Variants in DYNC1I2 observed in about 807,000 individuals in gnomAD.
DYNC1I2 encodes dynein cytoplasmic 1 intermediate chain 2, also known as cytoplasmic dynein 1 intermediate chain 2.
Under a neutral mutation model 88.6 loss-of-function variants are expected in DYNC1I2, and 53 were observed. That is an observed-to-expected ratio of 0.60 (90% CI 0.48 to 0.75). The LOEUF is 0.75. Among genes scored for constraint, DYNC1I2 ranks in the 30% least tolerant of loss-of-function variants. The pLI is 0.00. For missense variants in DYNC1I2, 458 were observed against 766.6 expected (o/e 0.60, Z 4.75); for synonymous variants, 198 against 254.6 (o/e 0.78, Z 2.12).
chr2:171,690,045 A>G, intron 1 of DYNC1I2, 102 bp from the exon 2 acceptor site: 2 of 597,540 alleles, frequency 3.3e-6, no homozygotes, highest in South Asian at 8.0e-5. Flanking sequence ...CTTTTTTGAG[A>G]TAGCATTGAA....
At chr2:171,733,503 AGTC>A (rs1688783279) in intron 15 of DYNC1I2, among the ~76,000 whole-genome samples, 1 of 103,878 alleles carries the variant, frequency 9.6e-6, no homozygotes, top group South Asian at 3.1e-4. Context: ...TTTTAATAAT[AGTC>A]ATTCTGACTG....
In DYNC1I2 at chr2:171,725,657, C is replaced by T. The variant is rs748676271; in HGVS notation, c.551C>T (p.Pro184Leu). Residue 184 changes from proline (P) to leucine (L), a missense_variant, in exon 8 of 18, where the codon CCT becomes CTT. Coordinates refer to ENST00000397119, the MANE Select transcript of DYNC1I2 (RefSeq NM_001378.3). ...EDDDVVAPKP[P>L]IEPEEEKTLK... ...GATGATGTAGTGGCTCCTAAACCAC[C>T]TATTGAACCTGAAGAAGAGAAAACT... is the stretch of plus-strand genomic sequence containing the variant. 5 of 1,569,194 alleles carry T rather than the reference C, an allele frequency of 3.2e-6. No homozygotes were observed. The highest frequency in any genetic ancestry group is 4.7e-5 in the East Asian group (2 of 42,648).
chr2:171,747,828 C>T lies in DYNC1I2; in HGVS notation c.1856C>T (p.Ala619Val). The change falls in exon 18 of 18, where the codon GCA becomes GTA. Residue 619 changes from alanine (A) to valine (V), a missense_variant. Around this residue, in one of 5 missense-constraint regions of DYNC1I2, gnomAD observed 188 missense variants for 300.4 expected, o/e 0.63. Coordinates refer to ENST00000397119, the MANE Select transcript of DYNC1I2 (RefSeq NM_001378.3). Reference sequence around the variant, plus strand: ...TGGGCACGGTTTGGCCGAACACTTGCAGAAATTAATGCAAACCGAGCTGAT... The same window carrying T: ...TGGGCACGGTTTGGCCGAACACTTGTAGAAATTAATGCAAACCGAGCTGAT... ...DEWARFGRTL[A>V]EINANRADAE... 3.7e-6 allele frequency: 6 copies of T among 1,611,346 alleles called. No homozygotes were observed. Among genetic ancestry groups the T allele is most frequent in the Non-Finnish European group, 5.1e-6 (6 of 1,179,492 alleles).
At chr2:171,739,119 A>T (rs1015933348) in intron 15 of DYNC1I2, among the ~76,000 whole-genome samples, 1 of 151,806 alleles carries the variant, frequency 6.6e-6, no homozygotes, top group Admixed American at 6.6e-5. Context: ...AAAAAAAAAA[A>T]AGAAAACCAC....
chr2:171,726,726 A>G (rs1276096469), intron 10 of DYNC1I2, 65 bp from the exon 11 acceptor site: 2 of 1,576,260 alleles, frequency 1.3e-6, no homozygotes, highest in Non-Finnish European at 1.7e-6. Context: ...AAGACAAATA[A>G]CTAGGATTAT....
chr2:171,745,571 C>T (rs576141994), intron 16 of DYNC1I2, among the ~76,000 whole-genome samples: 1 of 152,258 alleles, frequency 6.6e-6, no homozygotes, highest in East Asian at 1.9e-4. Context: ...TGTGTCTAGT[C>T]TTCTGAGAAT....
intron 10 of DYNC1I2, chr2:171,726,506 A>G (rs1032464421): frequency 7.2e-6 from 4 of 556,628 alleles, no homozygotes; most frequent in Non-Finnish European, 9.0e-6. Flanking sequence ...ACTTTATGAT[A>G]CAGGCCAGTT....
At chr2:171,744,012 A>T in intron 15 of DYNC1I2, 37 bp from the exon 16 acceptor site, 1 of 1,583,290 alleles carries the variant, frequency 6.3e-7, no homozygotes, top group Non-Finnish European at 8.6e-7. Flanking sequence ...TGTATGTCAT[A>T]TATGGACTGT....
At chr2:171,690,001 C>T in intron 1 of DYNC1I2, 146 bp from the exon 2 acceptor site, 1 of 439,208 alleles carries the variant, frequency 2.3e-6, no homozygotes, top group East Asian at 3.6e-5. Context: ...AAGCTACTGC[C>T]CAGCCCCATT....
chr2:171,703,657 A>T (rs928054301), intron 3 of DYNC1I2, among the ~76,000 whole-genome samples: 1 of 152,296 alleles, frequency 6.6e-6, no homozygotes, highest in East Asian at 1.9e-4. Context: ...CATTATGAAG[A>T]GAAAGAGCAA....
intron 3 of DYNC1I2, among the ~76,000 whole-genome samples, chr2:171,698,666 G>C (rs537895822): frequency 5.3e-5 from 8 of 151,912 alleles, no homozygotes; most frequent in Admixed American, 1.3e-4. Flanking sequence ...TCAGGAGATC[G>C]AGACCATCCT....
chr2:171,699,092 A>C (rs112222645), intron 3 of DYNC1I2, among the ~76,000 whole-genome samples: 2,489 of 152,256 alleles, frequency 0.016, 56 homozygotes, highest in African/African-American at 0.052. Context: ...GCAGATCATA[A>C]GGTCAGGAGT....
chr2:171,715,532 T>C, intron 7 of DYNC1I2, 89 bp downstream of exon 7: 1 of 919,306 alleles, frequency 1.1e-6, no homozygotes, highest in Admixed American at 2.9e-5. Context: ...TTGTTTTGTT[T>C]CTTTTTTGCT....
intron 12 of DYNC1I2, 81 bp from the exon 13 acceptor site, chr2:171,728,224 C>T (rs1286019308): frequency 2.4e-6 from 2 of 850,654 alleles, no homozygotes; most frequent in Non-Finnish European, 3.5e-6. Flanking sequence ...CGATAATAAA[C>T]AGAATGCTTA....
chr2:171,725,967 C>T lies in DYNC1I2; in HGVS notation c.656C>T (p.Ser219Phe). ...GAAGAAAAGCAACAAATCTTGCACT[C>T]TGAGGAATTTTTAAGTTTCTTTGAC... ...TEEEKQQILHSEEFLSFFDHS... is the reference protein window; with the variant it reads ...TEEEKQQILHFEEFLSFFDHS... The change falls in exon 9 of 18, where the codon TCT becomes TTT. Residue 219 changes from serine to phenylalanine, a missense_variant. Physicochemically the swap from Ser to Phe is radical, Grantham distance 155. Coordinates refer to ENST00000397119, the MANE Select transcript of DYNC1I2 (RefSeq NM_001378.3). 6.3e-7 allele frequency: 1 copy of T among 1,592,410 alleles called. No homozygotes were observed. The highest frequency in any genetic ancestry group is 1.2e-5 in the South Asian group (1 of 86,152).
intron 15 of DYNC1I2, among the ~76,000 whole-genome samples, chr2:171,742,587 G>A: frequency 6.6e-6 from 1 of 152,156 alleles, no homozygotes; most frequent in East Asian, 1.9e-4. Flanking sequence ...GAATCTGACT[G>A]AGATCCTTTT....
intron 3 of DYNC1I2, among the ~76,000 whole-genome samples, chr2:171,695,794 G>T (rs1466986009): frequency 1.3e-5 from 2 of 151,840 alleles, no homozygotes; most frequent in Non-Finnish European, 2.9e-5. Flanking sequence ...CTCCAGAATG[G>T]CTACAAAGTT....
At chr2:171,688,348 C>T (rs373177729) in intron 1 of DYNC1I2, 1 of 152,164 alleles carries the variant, frequency 6.6e-6, no homozygotes, top group African/African-American at 2.4e-5. Flanking sequence ...TGGAGGAAGG[C>T]TCTGGCTTCT....
chr2:171,744,285 AG>A (rs1689640828), intron 16 of DYNC1I2, 96 bp downstream of exon 16: 2 of 1,312,770 alleles, frequency 1.5e-6, no homozygotes, highest in East Asian at 5.1e-5. Flanking sequence ...AGAATGTAAA[AG>A]GGTTCTGTGA....
Sources: allele counts gnomAD v4.1 joint callset (sites outside exome capture counted in the v4.1 genomes callset), GRCh38; gene constraint gnomAD v4.1.1; regional missense constraint gnomAD v4.1.1; transcripts MANE v1.5; gene names NCBI Gene and HGNC (gene_info 2026-07-23, HGNC 2026-07-21).